The following PRDM16 variants were observed in gnomAD, a reference collection of about 807,000 sequenced individuals.
PRDM16 encodes PR/SET domain 16.
PRDM16 carries 23 observed loss-of-function variants against 110.6 expected under a neutral mutation model. The observed-to-expected ratio is 0.21, with a 90% CI of 0.15 to 0.29. The LOEUF is 0.29. Ranked by LOEUF, PRDM16 falls within the 10% of genes least tolerant of loss-of-function variation. The pLI is 1.00. For missense variants in PRDM16, 1,615 were observed against 1,794.3 expected (o/e 0.90, Z 1.81); for synonymous variants, 799 against 781.8 (o/e 1.02, Z -0.37).
intron 2 of PRDM16, among the ~76,000 whole-genome samples, chr1:3,222,799 C>G (rs1639193525): frequency 6.6e-6 from 1 of 152,262 alleles, no homozygotes; most frequent in African/African-American, 2.4e-5. Flanking sequence ...TCTTTCCCCA[C>G]ATCCATCTGT....
At chr1:3,409,867 G>GTGGTGTT (rs1643648464) in intron 8 of PRDM16, among the ~76,000 whole-genome samples, 7 of 145,506 alleles carry the variant, frequency 4.8e-5, no homozygotes, top group Admixed American at 4.1e-4. Context: ...TGGTGTTTGT[G>GTGGTGTT]TGCATGTGTG....
intron 1 of PRDM16, among the ~76,000 whole-genome samples, chr1:3,183,368 T>C (rs1353959378): frequency 1.3e-5 from 2 of 152,250 alleles, no homozygotes; most frequent in African/African-American, 2.4e-5. Flanking sequence ...GATCTGTGCC[T>C]GGCCTGCTGG....
chr1:3,120,934 G>T (rs1172027851), intron 1 of PRDM16, among the ~76,000 whole-genome samples: 1 of 152,244 alleles, frequency 6.6e-6, no homozygotes, highest in Non-Finnish European at 1.5e-5. Context: ...CAGGAGCTGT[G>T]TCTGAATGTC....
At chr1:3,256,818 C>G (rs1008927603) in intron 3 of PRDM16, among the ~76,000 whole-genome samples, 35 of 152,256 alleles carry the variant, frequency 2.3e-4, no homozygotes, top group African/African-American at 8.4e-4. Flanking sequence ...GATGGCACCA[C>G]TGCACTCCAG....
In PRDM16 at chr1:3,412,497, C is replaced by T. The variant is rs1458359946; in HGVS notation, c.2300C>T (p.Pro767Leu). The change falls in exon 9 of 17, where the codon CCC (proline) becomes CTC (leucine). Residue 767 changes from proline (P) to leucine (L), a missense_variant. By Grantham distance (98) the Pro-to-Leu change is moderately conservative (BLOSUM62 -3). Coordinates refer to ENST00000270722, the MANE Select transcript of PRDM16 (RefSeq NM_022114.4). ...SPRDALKVGG[P>L]SAECPFDLTT... ...CGGGACGCCCTCAAGGTGGGCGGCC[C>T]CAGTGCCGAGTGCCCCTTTGATCTC... 9.3e-6 allele frequency: 15 copies of T among 1,613,408 alleles called. No homozygotes were observed. The highest frequency in any genetic ancestry group is 1.2e-5 in the Non-Finnish European group (14 of 1,180,018).
intron 1 of PRDM16, chr1:3,133,673 T>C (rs1643379780): frequency 6.6e-6 from 1 of 152,244 alleles, no homozygotes. Flanking sequence ...CAGAGGTTAA[T>C]GGCTCTCTGA....
intron 2 of PRDM16, among the ~76,000 whole-genome samples, chr1:3,196,001 C>T (rs1638463776): frequency 6.6e-6 from 1 of 152,230 alleles, no homozygotes; most frequent in Non-Finnish European, 1.5e-5. Flanking sequence ...CTCGCTCTGA[C>T]AGGGGAACCC....
intron 3 of PRDM16, among the ~76,000 whole-genome samples, chr1:3,357,689 C>G (rs1256366189): frequency 6.6e-6 from 1 of 152,254 alleles, no homozygotes; most frequent in East Asian, 1.9e-4. Context: ...CCGCGAGCGC[C>G]TCTGCCTCCG....
chr1:3,425,371 T>G lies in PRDM16; in HGVS notation c.2940-210T>G. The G allele has an allele frequency of 1.9e-6, 1 of 537,784 alleles. No homozygotes were observed. Among genetic ancestry groups the G allele is most frequent in the Non-Finnish European group, 3.3e-6 (1 of 303,214 alleles). 33.3% of individuals were successfully genotyped at this position (537,784 alleles called of 1,614,324 possible). A position where few individuals can be genotyped will look rare whatever the true frequency, so the allele number is the denominator to read the frequency against. ...GTGATTATAGGCGTGAACCCCTGCT[T>G]CTTGAAGCCGGGGCTGTTTCTAGGG... On this transcript the variant is annotated intron_variant, in intron 12 of 16. Transcript: ENST00000270722. The surrounding 1 kb of genome is among the most constrained non-coding windows in gnomAD (Gnocchi z 6.9).
intron 2 of PRDM16, among the ~76,000 whole-genome samples, chr1:3,200,428 C>T (rs555316190): frequency 1.4e-4 from 21 of 152,272 alleles, no homozygotes; most frequent in South Asian, 6.2e-4. Flanking sequence ...CTGCAAGCTC[C>T]GCCTCCCGGG....
intron 3 of PRDM16, among the ~76,000 whole-genome samples, chr1:3,293,373 C>T (rs1034822970): frequency 6.6e-6 from 1 of 152,218 alleles, no homozygotes; most frequent in African/African-American, 2.4e-5. Context: ...CCTTTGAAAA[C>T]ACCGTGAATG....
intron 12 of PRDM16, among the ~76,000 whole-genome samples, chr1:3,421,109 T>C (rs752801229): frequency 1.9e-4 from 29 of 152,216 alleles, no homozygotes; most frequent in Non-Finnish European, 3.5e-4. Flanking sequence ...CTTTCTTTTT[T>C]AGTTGTATTT....
At chr1:3,328,140 C>T (rs1641958624) in intron 3 of PRDM16, among the ~76,000 whole-genome samples, 2 of 152,234 alleles carry the variant, frequency 1.3e-5, no homozygotes, top group African/African-American at 4.8e-5. Flanking sequence ...AAGTGGGGAA[C>T]TAGCCAGGCC....
chr1:3,221,991 C>T (rs1372904775), intron 2 of PRDM16, among the ~76,000 whole-genome samples: 4 of 152,212 alleles, frequency 2.6e-5, no homozygotes, highest in Non-Finnish European at 5.9e-5. Context: ...GAAGTAGTCT[C>T]GCGTCTTATC....
At chr1:3,188,530 G>T (rs192676946) in intron 2 of PRDM16, among the ~76,000 whole-genome samples, 4 of 152,320 alleles carry the variant, frequency 2.6e-5, no homozygotes, top group African/African-American at 7.2e-5. Context: ...CGCACCTCCC[G>T]TTTCTGCGGA....
chr1:3,137,230 C>CA (rs1643458140), intron 1 of PRDM16, among the ~76,000 whole-genome samples: 1 of 152,256 alleles, frequency 6.6e-6, no homozygotes. Context: ...CCTGCAACAG[C>CA]AACCTGGGCA....
intron 2 of PRDM16, among the ~76,000 whole-genome samples, chr1:3,223,476 C>T (rs1352328377): frequency 2.6e-5 from 4 of 152,172 alleles, no homozygotes; most frequent in Non-Finnish European, 4.4e-5. Context: ...CCCACGCTCA[C>T]CCCCGGCATG....
intron 3 of PRDM16, among the ~76,000 whole-genome samples, chr1:3,331,142 G>A (rs1642033398): frequency 6.6e-6 from 1 of 152,358 alleles, no homozygotes; most frequent in Admixed American, 6.5e-5. Flanking sequence ...GGCCTGGGAG[G>A]GGGCCTTCCT....
intron 1 of PRDM16, among the ~76,000 whole-genome samples, chr1:3,165,185 A>G (rs1282631183): frequency 6.6e-6 from 1 of 152,176 alleles, no homozygotes. Context: ...ACCTAGGCCC[A>G]GGGACAGGGA....
Sources: gnomAD v4.1 joint callset for allele counts (sites outside exome capture counted in the v4.1 genomes callset) on GRCh38, gnomAD v4.1.1 for gene constraint, Gnocchi (gnomAD v3.1) non-coding constraint, MANE v1.5 for transcripts, NCBI Gene and HGNC (gene_info 2026-07-23, HGNC 2026-07-21) for gene names.